The following SLC38A9 variants were observed in gnomAD, a reference collection of about 807,000 sequenced individuals.
The protein encoded by SLC38A9 is neutral amino acid transporter 9.
SLC38A9 carries 48 observed loss-of-function variants against 62.3 expected under a neutral mutation model. That is an observed-to-expected ratio of 0.77 (90% CI 0.61 to 0.98). The LOEUF (loss-of-function observed/expected upper bound fraction) is 0.98. Among genes scored for constraint, SLC38A9 ranks in the 50% least tolerant of loss-of-function variants. The pLI is 0.00. For missense variants in SLC38A9, 541 were observed against 679.8 expected (o/e 0.80, Z 2.27); for synonymous variants, 204 against 227.7 (o/e 0.90, Z 0.94).
chr5:55,630,854 G>A (rs1743314253), intron 14 of SLC38A9, among the ~76,000 whole-genome samples: 1 of 152,082 alleles, frequency 6.6e-6, no homozygotes, highest in South Asian at 2.1e-4. Context: ...ATACTTTGCT[G>A]GGCACGGTGG....
chr5:55,694,200 C>A, intron 3 of SLC38A9: 1 of 186,368 alleles, frequency 5.4e-6, no homozygotes, highest in South Asian at 7.1e-5. Flanking sequence ...AGAGTGAGAC[C>A]CTGTCTCAAA....
At chr5:55,660,604 A>G (rs968013907) in intron 8 of SLC38A9, among the ~76,000 whole-genome samples, 1 of 152,206 alleles carries the variant, frequency 6.6e-6, no homozygotes, top group Non-Finnish European at 1.5e-5. Flanking sequence ...TAAAAGAAGA[A>G]CTATACATAT....
chr5:55,647,649 CCTTTTCTAT>C (rs150735196), intron 11 of SLC38A9, among the ~76,000 whole-genome samples: 3,270 of 152,264 alleles, frequency 0.021, 107 homozygotes, highest in African/African-American at 0.074. Context: ...GTTAGCTAAT[CCTTTTCTAT>C]CTTTTCTAAT....
At chr5:55,652,775 C>CA (rs772491077) in intron 9 of SLC38A9, 52 bp from the exon 10 acceptor site, 1 of 1,107,356 alleles carries the variant, frequency 9.0e-7, no homozygotes, top group Non-Finnish European at 1.3e-6. Flanking sequence ...CAAAACAAAA[C>CA]AAAACAAAAA....
At chr5:55,685,576 A>T (rs1580346943) in intron 3 of SLC38A9, among the ~76,000 whole-genome samples, 1 of 152,200 alleles carries the variant, frequency 6.6e-6, no homozygotes, top group African/African-American at 2.4e-5. Context: ...ATAGCTCTGT[A>T]TTTAACATTT....
At chr5:55,631,937 T>C (rs1315209675) in intron 14 of SLC38A9, among the ~76,000 whole-genome samples, 14 of 151,474 alleles carry the variant, frequency 9.2e-5, no homozygotes, top group African/African-American at 3.2e-4. Flanking sequence ...TGAAATGACA[T>C]ATAGAAATTT....
chr5:55,669,699 A>C (rs1208279659), intron 5 of SLC38A9, 59 bp downstream of exon 5: 1 of 1,586,530 alleles, frequency 6.3e-7, no homozygotes. Flanking sequence ...AATTTAAAAA[A>C]CCAGTAATTT....
At chr5:55,710,808 C>T (rs1343778893) in intron 2 of SLC38A9, among the ~76,000 whole-genome samples, 4 of 151,330 alleles carry the variant, frequency 2.6e-5, no homozygotes, top group Non-Finnish European at 5.9e-5. Flanking sequence ...TTAGTAGAGA[C>T]GGGGTTTCAC....
intron 10 of SLC38A9, among the ~76,000 whole-genome samples, chr5:55,651,683 C>T (rs1747504827): frequency 6.6e-6 from 1 of 152,020 alleles, no homozygotes; most frequent in African/African-American, 2.4e-5. Context: ...AGAGCAAAAG[C>T]AAAATAAACC....
intron 2 of SLC38A9, among the ~76,000 whole-genome samples, chr5:55,699,139 C>T (rs4101423): frequency 0.54 from 82,560 of 151,550 alleles, 23,780 homozygotes; most frequent in South Asian, 0.65. Context: ...CCTGTAATCC[C>T]AGTTACTTGA....
chr5:55,701,232 ACTT>A (rs1327287424), intron 2 of SLC38A9, among the ~76,000 whole-genome samples: 2 of 152,090 alleles, frequency 1.3e-5, no homozygotes, highest in South Asian at 4.2e-4. Flanking sequence ...TCTAGCCTAA[ACTT>A]CTTTTTTGAA....
intron 6 of SLC38A9, 27 bp downstream of exon 6, chr5:55,669,530 A>G: frequency 6.3e-7 from 1 of 1,582,036 alleles, no homozygotes; most frequent in Non-Finnish European, 8.6e-7. Context: ...CATTTAGGCA[A>G]AAAGTGTGCT....
At chr5:55,648,547 T>C (rs1746799406) in intron 11 of SLC38A9, among the ~76,000 whole-genome samples, 1 of 152,154 alleles carries the variant, frequency 6.6e-6, no homozygotes, top group African/African-American at 2.4e-5. Flanking sequence ...AAGAAGATAA[T>C]TGCATTACAT....
chr5:55,658,338 G>C (rs1049803309), intron 8 of SLC38A9, among the ~76,000 whole-genome samples: 1 of 152,126 alleles, frequency 6.6e-6, no homozygotes, highest in Non-Finnish European at 1.5e-5. Flanking sequence ...ATTTTTAGTA[G>C]AGACAGGGTT....
At chr5:55,645,955 G>A (rs757665418) in intron 11 of SLC38A9, 60 bp from the exon 12 acceptor site, 11 of 1,076,794 alleles carry the variant, frequency 1.0e-5, no homozygotes, top group Non-Finnish European at 1.5e-5. Flanking sequence ...AGTATTGGTA[G>A]CCAAAAGTTG....
chr5:55,690,653 C>T (rs1454325783), intron 3 of SLC38A9, among the ~76,000 whole-genome samples: 9 of 152,154 alleles, frequency 5.9e-5, no homozygotes. Flanking sequence ...AGCTATGAAA[C>T]CATCAAGCCT....
At chr5:55,637,036 T>G (rs1299152803) in intron 12 of SLC38A9, among the ~76,000 whole-genome samples, 1 of 152,148 alleles carries the variant, frequency 6.6e-6, no homozygotes, top group Non-Finnish European at 1.5e-5. Flanking sequence ...AATCTACTTT[T>G]TTGTCAAAAG....
chr5:55,650,013 G>A (rs1477510495), intron 10 of SLC38A9, among the ~76,000 whole-genome samples: 1 of 152,090 alleles, frequency 6.6e-6, no homozygotes, highest in Non-Finnish European at 1.5e-5. Context: ...TCTTTGAATT[G>A]GAAGTGTTAG....
intron 3 of SLC38A9, among the ~76,000 whole-genome samples, chr5:55,678,030 G>A (rs1433614820): frequency 1.3e-5 from 2 of 150,100 alleles, no homozygotes; most frequent in African/African-American, 4.9e-5. Context: ...GAGGGTGTCA[G>A]AAATGAAGGG....
Sources: gnomAD v4.1 joint callset for allele counts (sites outside exome capture counted in the v4.1 genomes callset) on GRCh38, gnomAD v4.1.1 for gene constraint, MANE v1.5 for transcripts, NCBI Gene and HGNC (gene_info 2026-07-23, HGNC 2026-07-21) for gene names.